CAPS2: variants seen among roughly 807,000 people sequenced by gnomAD.
CAPS2 encodes calcyphosine 2, also known as calcyphosin-2.
CAPS2 carries 98 observed loss-of-function variants against 86.5 expected under a neutral mutation model. That is an observed-to-expected ratio of 1.13 (90% CI 0.96 to 1.34). The LOEUF is 1.34. Among genes scored for constraint, CAPS2 ranks in the 40% most tolerant of loss-of-function variants. The pLI is 0.00. For missense variants in CAPS2, 729 were observed against 686.8 expected (o/e 1.06, Z -0.69); for synonymous variants, 210 against 225.1 (o/e 0.93, Z 0.60).
At chr12:75,328,106 T>C (rs1298405767), upstream of CAPS2, among the ~76,000 whole-genome samples, 1 of 152,086 alleles carries the variant, frequency 6.6e-6, no homozygotes, top group African/African-American at 2.4e-5. Context: ...GCACTACAGA[T>C]GGCTTTCTTT....
intron 5 of CAPS2, among the ~76,000 whole-genome samples, chr12:75,320,186 T>C (rs1593512194): frequency 1.3e-5 from 2 of 152,226 alleles, no homozygotes; most frequent in African/African-American, 4.8e-5. Context: ...TTTATGGAAA[T>C]ATCTGCAAAT....
chr12:75,302,800 C>T (rs1415564413), intron 8 of CAPS2, among the ~76,000 whole-genome samples: 5 of 152,114 alleles, frequency 3.3e-5, no homozygotes, highest in Non-Finnish European at 5.9e-5. Flanking sequence ...CATTAGTCTC[C>T]AGTGAAATGC....
chr12:75,381,545 T>C (rs2044977769), intron 1 of CAPS2, among the ~76,000 whole-genome samples: 1 of 141,818 alleles, frequency 7.1e-6, no homozygotes, highest in Admixed American at 7.1e-5. Flanking sequence ...TTTTTTTTTT[T>C]GGTATATTAC....
chr12:75,351,759 C>A (rs1256733338), intron 1 of CAPS2, among the ~76,000 whole-genome samples: 1 of 152,144 alleles, frequency 6.6e-6, no homozygotes, highest in East Asian at 1.9e-4. Context: ...GTTGGCCAGC[C>A]TGGTCTCGAA....
chr12:75,366,702 C>A lies in CAPS2; in HGVS notation c.-395+24136G>T, dbSNP rs1462047228. ...TGTGGCCTAGGGTTTTTTTGTGTTG[C>A]AGATCAATGTGTGCTGATTTTGGGT... On this transcript the variant is annotated intron_variant, in intron 1 of 5. Coordinates refer to the CAPS2 transcript ENST00000551829. 12 of 532,644 alleles carry A rather than the reference C, an allele frequency of 2.3e-5. No individual in the cohort carries two copies. The East Asian group carries it at 3.5e-4, about 15-fold the overall frequency. 33.0% of individuals were successfully genotyped at this position (532,644 alleles called of 1,614,324 possible). A position where few individuals can be genotyped will look rare whatever the true frequency, so the allele number is the denominator to read the frequency against.
chr12:75,367,561 T>C (rs1345224844), intron 1 of CAPS2, among the ~76,000 whole-genome samples: 9 of 152,058 alleles, frequency 5.9e-5, no homozygotes, highest in Admixed American at 5.9e-4. Flanking sequence ...TATTCTTTTT[T>C]GTAATATATT....
intron 1 of CAPS2, chr12:75,373,995 G>C (rs569481368): frequency 2.6e-5 from 4 of 152,200 alleles, no homozygotes; most frequent in Admixed American, 2.6e-4. Flanking sequence ...ACAGTCAAAC[G>C]TTCAGTTTCT....
At chr12:75,281,599 AGAGT>A (rs2033957345) in intron 16 of CAPS2, among the ~76,000 whole-genome samples, 1 of 152,076 alleles carries the variant, frequency 6.6e-6, no homozygotes, top group African/African-American at 2.4e-5. Context: ...GAAAATTCAT[AGAGT>A]AAGTAAAATT....
At chr12:75,300,511 G>C (rs1175780915) in intron 8 of CAPS2, among the ~76,000 whole-genome samples, 1 of 133,178 alleles carries the variant, frequency 7.5e-6, no homozygotes, top group Non-Finnish European at 1.5e-5. Flanking sequence ...AGCCGAGATC[G>C]CGCCACTGCA....
At chr12:75,345,640 C>G (rs1415615211) in intron 1 of CAPS2, among the ~76,000 whole-genome samples, 2 of 152,090 alleles carry the variant, frequency 1.3e-5, no homozygotes, top group East Asian at 3.9e-4. Flanking sequence ...CTCTCCAGGA[C>G]ATCAGGAAAA....
At chr12:75,361,127 C>T (rs2043557257) in intron 1 of CAPS2, 1 of 152,124 alleles carries the variant, frequency 6.6e-6, no homozygotes, top group Non-Finnish European at 1.5e-5. Flanking sequence ...GAAAGTACCT[C>T]TTTGTGGCTG....
At chr12:75,336,227 A>C (rs924510821) in intron 1 of CAPS2, among the ~76,000 whole-genome samples, 6 of 151,944 alleles carry the variant, frequency 3.9e-5, no homozygotes, top group Non-Finnish European at 8.8e-5. Flanking sequence ...TAGAGCTAAA[A>C]ATCCAGTAAG....
intron 13 of CAPS2, among the ~76,000 whole-genome samples, chr12:75,290,557 A>G (rs890439626): frequency 6.6e-6 from 1 of 152,192 alleles, no homozygotes; most frequent in Non-Finnish European, 1.5e-5. Flanking sequence ...AAACTTTTCA[A>G]ATCTGTTTCT....
At chr12:75,363,056 A>G in intron 1 of CAPS2, 1 of 996,624 alleles carries the variant, frequency 1.0e-6, no homozygotes, top group Non-Finnish European at 1.5e-6. Flanking sequence ...ACAAAATTGG[A>G]GAAATTAACA....
intron 1 of CAPS2, chr12:75,369,610 C>T (rs2044223649): frequency 2.0e-6 from 2 of 984,366 alleles, no homozygotes; most frequent in African/African-American, 1.7e-5. Context: ...ATGAGTTCTG[C>T]ATACAAAAAA....
Position 75,326,311 on chromosome 12 carries a change from T to G in CAPS2, c.81+107A>C, listed in dbSNP as rs150595514. 4.5e-5 allele frequency: 21 copies of G among 464,218 alleles called. No individual in the cohort carries two copies. In the East Asian group the frequency reaches 6.2e-4, roughly 14 times the overall value. The allele number at this position is 464,218 out of a possible 1,614,324, so 28.8% of individuals were successfully genotyped here. On this transcript the variant is annotated intron_variant, in intron 1 of 16. Transcript: ENST00000393284. ...TCCATTCTTCAAATCTAGGAAATGT[T>G]GATCCTAAATATCTGTGAATATAAG... is the stretch of plus-strand genomic sequence containing the variant.
At chr12:75,355,529 T>C (rs937790808) in intron 1 of CAPS2, among the ~76,000 whole-genome samples, 2 of 152,186 alleles carry the variant, frequency 1.3e-5, no homozygotes, top group African/African-American at 4.8e-5. Context: ...GGTGGGAATG[T>C]ACACTCCACA....
At chr12:75,370,190 C>T (rs749513253) in intron 1 of CAPS2, 4 of 1,236,310 alleles carry the variant, frequency 3.2e-6, no homozygotes, top group East Asian at 2.3e-5. Flanking sequence ...CATTTATATA[C>T]AAAAGAAATT....
chr12:75,358,866 A>G (rs2043345607), intron 1 of CAPS2, among the ~76,000 whole-genome samples: 1 of 144,486 alleles, frequency 6.9e-6, no homozygotes, highest in Non-Finnish European at 1.5e-5. Context: ...TGGTTTAAAC[A>G]TATATAATAT....
Sources: gnomAD v4.1 joint callset for allele counts (sites outside exome capture counted in the v4.1 genomes callset) on GRCh38, gnomAD v4.1.1 for gene constraint, MANE v1.5 for transcripts, NCBI Gene and HGNC (gene_info 2026-07-23, HGNC 2026-07-21) for gene names.